Variants in DIP2C observed in about 807,000 individuals in gnomAD.
DIP2C encodes DIP2 acetate--CoA ligase C (putative).
DIP2C carries 33 observed loss-of-function variants against 192.4 expected under a neutral mutation model. The observed-to-expected ratio is 0.17, with a 90% CI of 0.13 to 0.23. The LOEUF (loss-of-function observed/expected upper bound fraction) is 0.23, where lower values mean the gene tolerates loss of function less well. Among genes scored for constraint, DIP2C ranks in the 10% least tolerant of loss-of-function variants. DIP2C has a pLI of 1.00. For missense variants in DIP2C, 1,537 were observed against 2,110.1 expected (o/e 0.73, Z 5.32); for synonymous variants, 979 against 864.1 (o/e 1.13, Z -2.33).
At chr10:549,405 C>G (rs1243392372) in intron 1 of DIP2C, among the ~76,000 whole-genome samples, 1 of 152,168 alleles carries the variant, frequency 6.6e-6, no homozygotes, top group African/African-American at 2.4e-5. Context: ...TACAACGCGT[C>G]CACACACGGA....
At chr10:334,366 GATTT>G (rs1465241154) in intron 29 of DIP2C, among the ~76,000 whole-genome samples, 1 of 148,770 alleles carries the variant, frequency 6.7e-6, no homozygotes, top group Non-Finnish European at 1.5e-5. Flanking sequence ...TGCTTCATGA[GATTT>G]ATAATTTGCA....
At position 426,847 on chromosome 10, in the gene DIP2C, C is replaced by T. The variant is rs556272365; in HGVS notation, c.395-3814G>A. On this transcript the variant is annotated intron_variant, in intron 4 of 36. Transcript: ENST00000280886. ...GGGGAAAAAATCCCCCAAACCAAAC[C>T]ACAACAAACAAACAAAAATCCCACT... Among the ~76,000 whole-genome samples the T allele has an allele frequency of 7.2e-5, 11 of 152,146 alleles. No homozygotes were observed. The South Asian group carries it at 2.1e-3, about 29-fold the overall frequency.
At chr10:409,304 G>C (rs1430448673) in intron 8 of DIP2C, among the ~76,000 whole-genome samples, 3 of 152,098 alleles carry the variant, frequency 2.0e-5, no homozygotes, top group Non-Finnish European at 4.4e-5. Context: ...TCTGTGATGT[G>C]GGGGTGGCGA....
chr10:547,400 C>T (rs1848339975), intron 1 of DIP2C, among the ~76,000 whole-genome samples: 1 of 152,150 alleles, frequency 6.6e-6, no homozygotes, highest in South Asian at 2.1e-4. Flanking sequence ...GTGAGGCAGG[C>T]AGTGAGGTAC....
At position 295,915 on chromosome 10, in the gene DIP2C, C is replaced by G. The variant is rs144515144; in HGVS notation, c.3987-7494G>C. Among the ~76,000 whole-genome samples the G allele has an allele frequency of 2.1e-3, 315 of 152,290 alleles. 2 individuals carry two copies. The highest frequency in any genetic ancestry group is 7.3e-3 in the African/African-American group (303 of 41,560). ...ATGTGTTTTTTGGCTGCATAAATGT[C>G]TTCTTTTGAGAAGTGTCTGTTCATA... On this transcript the variant is annotated intron_variant, in intron 32 of 36. Transcript: ENST00000280886.
At chr10:603,358 A>G (rs1852233633) in intron 1 of DIP2C, among the ~76,000 whole-genome samples, 1 of 145,940 alleles carries the variant, frequency 6.9e-6, no homozygotes, top group Non-Finnish European at 1.5e-5. Context: ...TTGCTGCTTC[A>G]TACTAGTAAT....
intron 1 of DIP2C, among the ~76,000 whole-genome samples, chr10:535,368 A>G (rs1847641489): frequency 6.6e-6 from 1 of 151,370 alleles, no homozygotes; most frequent in African/African-American, 2.4e-5. Context: ...TGCTCCGGCC[A>G]AAGCCACGCT....
chr10:341,073 G>T (rs1020683313), intron 29 of DIP2C, 126 bp downstream of exon 29: 1 of 1,344,066 alleles, frequency 7.4e-7, no homozygotes, highest in African/African-American at 1.4e-5. Context: ...ACACGGGTAA[G>T]CCCCAGGCCT....
At chr10:554,620 C>T (rs1848747028) in intron 1 of DIP2C, among the ~76,000 whole-genome samples, 1 of 152,258 alleles carries the variant, frequency 6.6e-6, no homozygotes, top group Non-Finnish European at 1.5e-5. Context: ...CCCTTCTCCT[C>T]CCCACTGCCC....
chr10:537,077 T>C (rs1200085342), intron 1 of DIP2C, among the ~76,000 whole-genome samples: 1 of 152,208 alleles, frequency 6.6e-6, no homozygotes, highest in African/African-American at 2.4e-5. Flanking sequence ...CTGAAGGGAC[T>C]CACCCAGGTC....
chr10:448,509 C>T (rs76946414), intron 3 of DIP2C, among the ~76,000 whole-genome samples: 18 of 117,856 alleles, frequency 1.5e-4, no homozygotes, highest in East Asian at 4.8e-4. Flanking sequence ...CAGCAGGACC[C>T]GCTCACTCCC....
Position 341,344 on chromosome 10 carries a change from G to A in DIP2C, c.3454-15C>T. ...GCGTGAGACATCTGCAAAATACAAG[G>A]CTGTGTTAAACGCATCGGACCTGAC... On this transcript the variant is annotated splice_polypyrimidine_tract_variant and intron_variant, in intron 28 of 36. Transcript: ENST00000280886. The A allele has an allele frequency of 1.2e-6, 2 of 1,613,454 alleles. No individual in the cohort carries two copies. Among genetic ancestry groups the A allele is most frequent in the South Asian group, 2.2e-5 (2 of 91,044 alleles).
At chr10:370,976 G>C (rs955001478) in intron 17 of DIP2C, among the ~76,000 whole-genome samples, 1 of 152,154 alleles carries the variant, frequency 6.6e-6, no homozygotes, top group Non-Finnish European at 1.5e-5. Flanking sequence ...GAGCTAACCA[G>C]ATATAAAAGA....
intron 29 of DIP2C, among the ~76,000 whole-genome samples, chr10:334,304 C>CCAA (rs565433892): frequency 2.4e-5 from 2 of 82,416 alleles, no homozygotes; most frequent in Non-Finnish European, 4.2e-5. Flanking sequence ...AAGACTGTCT[C>CCAA]AAAAAAAAAA....
intron 31 of DIP2C, chr10:325,133 C>T (rs557094842): frequency 4.6e-5 from 16 of 345,954 alleles, no homozygotes; most frequent in South Asian, 2.3e-4. Context: ...CGCTTGGTGG[C>T]GAGCACCTGT....
intron 1 of DIP2C, among the ~76,000 whole-genome samples, chr10:588,781 C>CA (rs1044189365): frequency 4.6e-5 from 7 of 152,240 alleles, no homozygotes; most frequent in Non-Finnish European, 8.8e-5. Flanking sequence ...CTGGTACTCT[C>CA]ACCCCAGCCA....
intron 26 of DIP2C, among the ~76,000 whole-genome samples, chr10:348,329 C>T (rs1326693174): frequency 2.0e-5 from 3 of 152,236 alleles, no homozygotes; most frequent in East Asian, 3.8e-4. Context: ...TTCCCGTGGT[C>T]GGTCTGCTCA....
At chr10:390,950 C>T (rs1963411999) in intron 10 of DIP2C, 87 bp from the exon 11 acceptor site, 3 of 1,543,788 alleles carry the variant, frequency 1.9e-6, no homozygotes, top group Admixed American at 3.8e-5. Flanking sequence ...TTCACACAGA[C>T]CCTCGAGTCT....
intron 17 of DIP2C, among the ~76,000 whole-genome samples, chr10:371,992 C>T (rs1261320801): frequency 1.3e-5 from 2 of 151,900 alleles, no homozygotes; most frequent in East Asian, 1.9e-4. Flanking sequence ...ACTGACCTGC[C>T]GGGCAAGGGC....
Sources: gnomAD v4.1 joint callset for allele counts (sites outside exome capture counted in the v4.1 genomes callset) on GRCh38, gnomAD v4.1.1 for gene constraint, MANE v1.5 for transcripts, NCBI Gene and HGNC (gene_info 2026-07-23, HGNC 2026-07-21) for gene names.